Variants in PTPRR observed in about 807,000 individuals in gnomAD.
PTPRR encodes the protein receptor-type tyrosine-protein phosphatase R.
In PTPRR, 38 loss-of-function variants were observed where a neutral mutation model predicts 77.2. The observed-to-expected ratio is 0.49, with a 90% CI of 0.38 to 0.65. The LOEUF is 0.65. PTPRR is among the 30% of genes least tolerant of loss of function. The pLI, the probability that PTPRR is intolerant of heterozygous loss-of-function variation, is 0.00. For missense variants in PTPRR, 744 were observed against 799.2 expected, an observed-to-expected ratio of 0.93 and a Z score of 0.83; for synonymous variants, 299 against 283.1, an observed-to-expected ratio of 1.06 and a Z score of -0.57.
rs897995044 is a variant in PTPRR at position 70,804,132 on chromosome 12, C to T, written c.358-39354G>A. Among the ~76,000 whole-genome samples the T allele has an allele frequency of 1.2e-3, 86 of 70,988 alleles. 1 individual carries two copies. The highest frequency in any genetic ancestry group is 4.8e-4 in the Non-Finnish European group (13 of 27,074). The allele number at this position is 70,988 out of a possible 152,430, so 46.6% of individuals were successfully genotyped here. On this transcript the variant is annotated intron_variant, in intron 2 of 13. Coordinates refer to ENST00000283228, the MANE Select transcript of PTPRR (RefSeq NM_002849.4). ...CAATGCCTGTCTTGTTTCACCTGTT[C>T]CTGGCTCTGTGTGTGTGTGTGTGTG...
intron 2 of PTPRR, among the ~76,000 whole-genome samples, chr12:70,834,414 T>C (rs938732588): frequency 2.0e-5 from 3 of 152,172 alleles, no homozygotes; most frequent in Admixed American, 6.5e-5. Context: ...AGATCTCCCT[T>C]GTTCAATTTT....
At position 70,783,869 on chromosome 12, in the gene PTPRR, G is replaced by A. The variant is rs776974250; in HGVS notation, c.358-19091C>T. Among the ~76,000 whole-genome samples, 200 of 115,410 alleles carry A rather than the reference G, an allele frequency of 1.7e-3. 1 individual carries two copies. The highest frequency in any genetic ancestry group is 2.7e-3 in the Non-Finnish European group (156 of 57,546). The allele number at this position is 115,410 out of a possible 152,430, so 75.7% of individuals were successfully genotyped here. A position where few individuals can be genotyped will look rare whatever the true frequency, so the allele number is the denominator to read the frequency against. On this transcript the variant is annotated intron_variant, in intron 2 of 13. Transcript: ENST00000283228. ...TAAGGCTGTGTGGGGGGGACGGGGG[G>A]GGGGGGCGGGGGGCGGGGGTTGGCA...
At chr12:70,754,676 T>C in intron 4 of PTPRR, 3 of 1,597,238 alleles carry the variant, frequency 1.9e-6, no homozygotes, top group Non-Finnish European at 1.7e-6. Flanking sequence ...TCCCACAACA[T>C]CAGCACCCTG....
intron 2 of PTPRR, among the ~76,000 whole-genome samples, chr12:70,885,852 C>T (rs561958678): frequency 6.6e-6 from 1 of 152,096 alleles, no homozygotes; most frequent in African/African-American, 2.4e-5. Context: ...GTTTTTATTT[C>T]CGCTTTTCCT....
intron 2 of PTPRR, among the ~76,000 whole-genome samples, chr12:70,784,740 T>C (rs530338145): frequency 6.6e-6 from 1 of 152,326 alleles, no homozygotes; most frequent in African/African-American, 2.4e-5. Flanking sequence ...ATGTTGAAAA[T>C]GAATAGTTTA....
At chr12:70,730,527 TA>T (rs567506707) in intron 6 of PTPRR, among the ~76,000 whole-genome samples, 81 of 145,184 alleles carry the variant, frequency 5.6e-4, no homozygotes, top group South Asian at 3.3e-3. Flanking sequence ...ATAAATGAAT[TA>T]AAAAAAAAAG....
chr12:70,766,648 C>T (rs1428137555), intron 2 of PTPRR, among the ~76,000 whole-genome samples: 1 of 150,910 alleles, frequency 6.6e-6, no homozygotes, highest in African/African-American at 2.5e-5. Context: ...CATTCAGATT[C>T]AGGAAATACA....
intron 2 of PTPRR, among the ~76,000 whole-genome samples, chr12:70,815,582 A>G (rs1891888836): frequency 6.6e-6 from 1 of 152,162 alleles, no homozygotes; most frequent in African/African-American, 2.4e-5. Flanking sequence ...AGGGTGAGGA[A>G]AGTAAGGATG....
chr12:70,786,212 T>A (rs1436568993), intron 2 of PTPRR, among the ~76,000 whole-genome samples: 1 of 152,198 alleles, frequency 6.6e-6, no homozygotes, highest in East Asian at 1.9e-4. Context: ...TCTTCATTCA[T>A]GGAGCTTTTC....
At chr12:70,683,804 T>C (rs1024150132) in intron 10 of PTPRR, among the ~76,000 whole-genome samples, 2 of 152,222 alleles carry the variant, frequency 1.3e-5, no homozygotes, top group South Asian at 2.1e-4. Context: ...TGTCACATAG[T>C]AGGTGTTCAA....
At chr12:70,691,347 A>G (rs971900969) in intron 8 of PTPRR, among the ~76,000 whole-genome samples, 3 of 152,036 alleles carry the variant, frequency 2.0e-5, no homozygotes, top group African/African-American at 7.2e-5. Context: ...ATTCTGGGAC[A>G]CAACGTTCTG....
chr12:70,846,913 C>T (rs1892494552), intron 2 of PTPRR, among the ~76,000 whole-genome samples: 1 of 152,062 alleles, frequency 6.6e-6, no homozygotes, highest in Admixed American at 6.6e-5. Context: ...TGTCTCAGTG[C>T]AATATTTATC....
At chr12:70,728,528 A>AATATATATATATATATATATATAT (rs71068723) in intron 6 of PTPRR, among the ~76,000 whole-genome samples, 2 of 80,136 alleles carry the variant, frequency 2.5e-5, no homozygotes. Flanking sequence ...CCAAAATCTG[A>AATATATATATATATATATATATAT]ATATATATAT....
chr12:70,639,200 G>A lies in PTPRR; in HGVS notation c.1958C>T (p.Ala653Val). The A allele has an allele frequency of 1.2e-6, 2 of 1,613,082 alleles. No homozygotes were observed. Among genetic ancestry groups the A allele is most frequent in the South Asian group, 1.1e-5 (1 of 91,070 alleles). ...ALCLYESRLS[A>V]ETVQ ...TTCAATGACTCACTGGACAGTCTCTGCTGAAAGTCTGCTCTCATACAGGCA... is the reference window on the plus strand; with the variant it reads ...TTCAATGACTCACTGGACAGTCTCTACTGAAAGTCTGCTCTCATACAGGCA... Residue 653 changes from alanine (A) to valine (V), a missense_variant, in exon 14 of 14, where the codon GCA becomes GTA. Transcript: ENST00000283228.
At chr12:70,912,738 C>T (rs1893717935) in intron 1 of PTPRR, among the ~76,000 whole-genome samples, 1 of 152,040 alleles carries the variant, frequency 6.6e-6, no homozygotes, top group South Asian at 2.1e-4. Flanking sequence ...TATAAATTTG[C>T]TAATTGTCCT....
At chr12:70,824,110 G>T (rs2137043817) in intron 2 of PTPRR, among the ~76,000 whole-genome samples, 1 of 152,266 alleles carries the variant, frequency 6.6e-6, no homozygotes, top group Non-Finnish European at 1.5e-5. Flanking sequence ...AGACTTATTG[G>T]GAAACCGCCC....
chr12:70,718,128 T>C (rs997274753), intron 6 of PTPRR, among the ~76,000 whole-genome samples: 2 of 152,344 alleles, frequency 1.3e-5, no homozygotes, highest in Admixed American at 1.3e-4. Flanking sequence ...CCCATTACTT[T>C]GATTTAAATG....
At chr12:70,779,322 C>A (rs184783836) in intron 2 of PTPRR, among the ~76,000 whole-genome samples, 1 of 152,092 alleles carries the variant, frequency 6.6e-6, no homozygotes, top group Admixed American at 6.5e-5. Context: ...TCTCATAGAC[C>A]TTTTTCAAGG....
intron 4 of PTPRR, chr12:70,754,526 A>G (rs1241813676): frequency 2.5e-6 from 4 of 1,583,716 alleles, no homozygotes; most frequent in African/African-American, 2.7e-5. Flanking sequence ...CGTGCCTGAC[A>G]TGGCATCTGC....
Sources: allele counts gnomAD v4.1 joint callset (sites outside exome capture counted in the v4.1 genomes callset), GRCh38; gene constraint gnomAD v4.1.1; transcripts MANE v1.5; gene names NCBI Gene and HGNC (gene_info 2026-07-23, HGNC 2026-07-21).